The following EXOSC10 variants were observed in gnomAD, a reference collection of about 807,000 sequenced individuals.
The protein encoded by EXOSC10 is exosome component 10.
In EXOSC10, 94 loss-of-function variants were observed where a neutral mutation model predicts 126.6. The ratio of observed to expected loss-of-function variants is 0.74; its 90% CI spans 0.63 to 0.88. The LOEUF is 0.88. Ranked by LOEUF, EXOSC10 falls within the 40% of genes least tolerant of loss-of-function variation. The probability of loss-of-function intolerance (pLI) is 0.00; values close to 1 mark genes in which losing one functional copy is unlikely to be tolerated. For missense variants in EXOSC10, 1,041 were observed against 1,100.5 expected, an observed-to-expected ratio of 0.95 and a Z score of 0.77; for synonymous variants, 395 against 400.8, an observed-to-expected ratio of 0.99 and a Z score of 0.17.
At chr1:11,097,003 G>A (rs1299110482) in intron 2 of EXOSC10, among the ~76,000 whole-genome samples, 4 of 151,710 alleles carry the variant, frequency 2.6e-5, no homozygotes, top group African/African-American at 4.8e-5. Flanking sequence ...CACAAGGTCA[G>A]GAGTTCGAGA....
intron 3 of EXOSC10, among the ~76,000 whole-genome samples, chr1:11,094,725 T>G (rs1344946896): frequency 1.3e-5 from 2 of 151,772 alleles, no homozygotes; most frequent in African/African-American, 4.8e-5. Flanking sequence ...CTCAGCCTCC[T>G]GAATAGCTGG....
At chr1:11,090,277 C>T (rs1308616540) in intron 6 of EXOSC10, among the ~76,000 whole-genome samples, 1 of 152,176 alleles carries the variant, frequency 6.6e-6, no homozygotes, top group African/African-American at 2.4e-5. Flanking sequence ...GGATTACAGG[C>T]GTAAGCCACC....
intron 9 of EXOSC10, among the ~76,000 whole-genome samples, chr1:11,084,432 A>G (rs1235585099): frequency 6.6e-6 from 1 of 152,140 alleles, no homozygotes; most frequent in Admixed American, 6.5e-5. Context: ...TCTTCTTTTG[A>G]GAAGTGTCTG....
intron 7 of EXOSC10, 29 bp from the exon 8 acceptor site, chr1:11,087,939 G>A (rs1394520279): frequency 2.1e-6 from 3 of 1,431,606 alleles, no homozygotes; most frequent in African/African-American, 2.8e-5. Context: ...AAGAAAAAGG[G>A]AGGAATATAG....
chr1:11,099,667 G>T, intron 1 of EXOSC10, 54 bp downstream of exon 1: 1 of 1,507,850 alleles, frequency 6.6e-7, no homozygotes, highest in Non-Finnish European at 8.9e-7. Flanking sequence ...GGGCCCAGTC[G>T]GCTTCCGGCG....
Position 11,080,929 on chromosome 1 carries a change from A to G in EXOSC10, c.1438-17T>C, listed in dbSNP as rs770906988. On this transcript the variant is annotated splice_polypyrimidine_tract_variant and intron_variant, in intron 11 of 24. Transcript: ENST00000376936. ...GATGAATTTCTACAAAGTATTAGAG[A>G]ACATTCAAAATCAACGGGAATCAAA... The G allele has an allele frequency of 1.3e-6, 2 of 1,592,130 alleles. No homozygotes were observed. The highest frequency in any genetic ancestry group is 2.3e-5 in the South Asian group (2 of 88,126).
intron 17 of EXOSC10, among the ~76,000 whole-genome samples, chr1:11,076,250 A>G (rs566911236): frequency 4.6e-5 from 7 of 152,078 alleles, no homozygotes; most frequent in Admixed American, 2.0e-4. Flanking sequence ...CAGGAGGCTG[A>G]GGCAGGAGGA....
At position 11,081,255 on chromosome 1, in the gene EXOSC10, C is replaced by G; in HGVS notation, c.1281-17G>C. On this transcript the variant is annotated splice_polypyrimidine_tract_variant and intron_variant, in intron 10 of 24. Transcript: ENST00000376936. ...GGCAGAGGGCTGGAATTGCAGAGGACAATGTTTTACTGATTGCCCCCAAGG... is the reference window on the plus strand; with the variant it reads ...GGCAGAGGGCTGGAATTGCAGAGGAGAATGTTTTACTGATTGCCCCCAAGG... 3.7e-6 allele frequency: 6 copies of G among 1,612,602 alleles called. No homozygotes were observed. Among genetic ancestry groups the G allele is most frequent in the Non-Finnish European group, 5.1e-6 (6 of 1,178,770 alleles).
At chr1:11,091,211 A>C in intron 4 of EXOSC10, 32 bp from the exon 5 acceptor site, 1 of 1,573,646 alleles carries the variant, frequency 6.4e-7, no homozygotes, top group African/African-American at 1.4e-5. Context: ...ACTTTATAAC[A>C]CAGCAACTTG....
Position 11,098,081 on chromosome 1 carries a change from A to T in EXOSC10, c.187T>A (p.Tyr63Asn). The T allele has an allele frequency of 1.2e-6, 2 of 1,612,144 alleles. No individual in the cohort carries two copies. Among genetic ancestry groups the T allele is most frequent in the Non-Finnish European group, 1.7e-6 (2 of 1,179,426 alleles). The change falls in exon 2 of 25, where the codon TAC (tyrosine) becomes AAC (asparagine). Residue 63 changes from tyrosine (Y) to asparagine (N), a missense_variant. By Grantham distance (143) the Tyr-to-Asn change is moderately radical. Around this residue, in one of 3 missense-constraint regions of EXOSC10, gnomAD observed 645 missense variants for 656.3 expected, o/e 0.98. Transcript: ENST00000376936. ...LPQFGDEYDF[Y>N]RSFPGFQAFC... ...GCTTGGAAGCCAGGAAAACTTCGGT[A>T]AAAATCATACTCATCGCCAAACTGT...
intron 19 of EXOSC10, 46 bp downstream of exon 19, chr1:11,073,877 CAAAAAAAAAAA>C (rs770965502): frequency 3.0e-5 from 16 of 539,120 alleles, no homozygotes; most frequent in East Asian, 1.5e-4. Context: ...GACTCCATCT[CAAAAAAAAAAA>C]AAAAAAAAAA....
chr1:11,075,568 G>A (rs990001703), intron 17 of EXOSC10, among the ~76,000 whole-genome samples: 12 of 152,114 alleles, frequency 7.9e-5, no homozygotes, highest in Admixed American at 1.3e-4. Context: ...TAGCTCTGAG[G>A]TCAGCTAAAG....
chr1:11,093,118 T>C (rs1394793526), intron 3 of EXOSC10, among the ~76,000 whole-genome samples: 2 of 152,192 alleles, frequency 1.3e-5, no homozygotes, highest in Non-Finnish European at 2.9e-5. Context: ...ATAAAGGTCA[T>C]TAGTATGTCA....
intron 6 of EXOSC10, among the ~76,000 whole-genome samples, chr1:11,089,653 G>T (rs925915535): frequency 4.6e-5 from 7 of 150,790 alleles, no homozygotes; most frequent in Non-Finnish European, 8.9e-5. Context: ...AAGAAAGAAA[G>T]AAAGAAAACA....
intron 16 of EXOSC10, chr1:11,077,154 C>A: frequency 1.6e-6 from 1 of 624,560 alleles, no homozygotes; most frequent in South Asian, 2.0e-5. Context: ...ACCATGCCAG[C>A]TAATTTTTGT....
chr1:11,099,596 A>T, intron 1 of EXOSC10, 125 bp downstream of exon 1: 1 of 1,053,862 alleles, frequency 9.5e-7, no homozygotes, highest in Non-Finnish European at 1.3e-6. Flanking sequence ...CCCAGCGCGG[A>T]CAGGGGCCCC....
chr1:11,087,009 C>CA (rs1640532096), intron 9 of EXOSC10, among the ~76,000 whole-genome samples: 1 of 152,170 alleles, frequency 6.6e-6, no homozygotes, highest in Non-Finnish European at 1.5e-5. Flanking sequence ...AAAAACCCTT[C>CA]AAAAAATTAA....
At chr1:11,071,383 A>C in intron 20 of EXOSC10, 1 of 198,572 alleles carries the variant, frequency 5.0e-6, no homozygotes, top group Non-Finnish European at 1.0e-5. Context: ...CTTTTCTCAC[A>C]TGCCACATCC....
intron 9 of EXOSC10, among the ~76,000 whole-genome samples, chr1:11,085,192 G>A (rs919585418): frequency 6.6e-6 from 1 of 152,144 alleles, no homozygotes; most frequent in African/African-American, 2.4e-5. Flanking sequence ...GATGGGGATG[G>A]CATTGAATCT....
Sources: gnomAD v4.1 joint callset for allele counts (sites outside exome capture counted in the v4.1 genomes callset) on GRCh38, gnomAD v4.1.1 for gene constraint, gnomAD v4.1.1 regional missense constraint, MANE v1.5 for transcripts, NCBI Gene and HGNC (gene_info 2026-07-23, HGNC 2026-07-21) for gene names.